The following VPS53 variants were observed in gnomAD, a reference collection of about 807,000 sequenced individuals.
VPS53 encodes the protein vacuolar protein sorting-associated protein 53 homolog.
Under a neutral mutation model 107.0 loss-of-function variants are expected in VPS53, and 70 were observed. The observed-to-expected ratio is 0.65, with a 90% CI of 0.54 to 0.80. The LOEUF (loss-of-function observed/expected upper bound fraction) is 0.80. Among genes scored for constraint, VPS53 ranks in the 30% least tolerant of loss-of-function variants. VPS53 has a pLI of 0.00. For missense variants in VPS53, 917 were observed against 1,049.4 expected (o/e 0.87, Z 1.74); for synonymous variants, 409 against 393.3 (o/e 1.04, Z -0.47).
At chr17:704,848 C>A (rs1335383281) in intron 2 of VPS53, among the ~76,000 whole-genome samples, 3 of 152,192 alleles carry the variant, frequency 2.0e-5, no homozygotes, top group African/African-American at 4.8e-5. Context: ...TCTAACACTT[C>A]TTTTTGTTTT....
rs913087553 is a variant in VPS53, at chr17:606,499, G to A, written c.1117-4603C>T. Among the ~76,000 whole-genome samples, 6 of 151,860 alleles carry A rather than the reference G, an allele frequency of 4.0e-5. No homozygotes were observed. In the East Asian group the frequency reaches 5.8e-4, roughly 15 times the overall value. On this transcript the variant is annotated intron_variant, in intron 11 of 21. Coordinates refer to ENST00000437048, the MANE Select transcript of VPS53 (RefSeq NM_001128159.3). ...TGCTGCCATGAGGATGGGATGATGC[G>A]TGCGTGTCAGGCGTGAGCTACACAG...
chr17:540,789 A>G (rs1040403075), intron 17 of VPS53, among the ~76,000 whole-genome samples: 3 of 152,092 alleles, frequency 2.0e-5, no homozygotes, highest in African/African-American at 7.2e-5. Context: ...TAGTTTAACC[A>G]CCACAAGAAG....
In VPS53 at chr17:551,896, A is replaced by C. The variant is rs1421883186; in HGVS notation, c.1842T>G (p.Asp614Glu). 1.2e-6 allele frequency: 2 copies of C among 1,605,414 alleles called. No homozygotes were observed. The highest frequency in any genetic ancestry group is 1.7e-4 in the Middle Eastern group (1 of 6,046). Residue 614 changes from aspartate to glutamate, a missense_variant, in exon 17 of 22, where the codon GAT (aspartate) becomes GAG (glutamate). Asp to Glu is a conservative substitution (Grantham distance 45). Coordinates refer to ENST00000437048, the MANE Select transcript of VPS53 (RefSeq NM_001128159.3). The part of the protein sequence containing the change: ...LLVQDLDAAC[D>E]PALTAMSKMQ... Reference sequence around the variant, plus strand: ...CCTTGCTCATGGCAGTCAGGGCAGGATCACAGGCAGCATCCAGATCCTGAA... The same window carrying C: ...CCTTGCTCATGGCAGTCAGGGCAGGCTCACAGGCAGCATCCAGATCCTGAA...
chr17:637,300 TTC>T (rs1283698873), intron 7 of VPS53, among the ~76,000 whole-genome samples: 3 of 152,214 alleles, frequency 2.0e-5, no homozygotes, highest in African/African-American at 4.8e-5. Flanking sequence ...TATTTGATTC[TTC>T]TCTCTTTTCT....
intron 8 of VPS53, among the ~76,000 whole-genome samples, chr17:629,766 A>G (rs887755526): frequency 2.7e-5 from 4 of 150,484 alleles, no homozygotes; most frequent in African/African-American, 4.9e-5. Context: ...CCATCTCAAA[A>G]AAAAGAAAAG....
chr17:625,670 C>T (rs1308797043), intron 10 of VPS53, among the ~76,000 whole-genome samples: 1 of 152,190 alleles, frequency 6.6e-6, no homozygotes, highest in African/African-American at 2.4e-5. Context: ...CCTGGGAACT[C>T]TCTGTGTCTT....
chr17:641,383 T>G (rs993723411), intron 7 of VPS53, among the ~76,000 whole-genome samples: 2 of 152,218 alleles, frequency 1.3e-5, no homozygotes, highest in African/African-American at 4.8e-5. Flanking sequence ...AACTCCTTCC[T>G]CTTCTAACCA....
chr17:657,241 G>A, intron 5 of VPS53: 2 of 1,120,912 alleles, frequency 1.8e-6, no homozygotes, highest in East Asian at 2.3e-5. Context: ...CTCCTCAGGT[G>A]TACAGCAAAG....
chr17:520,534 A>C lies in VPS53; in HGVS notation c.2224-604T>G, dbSNP rs925209105. Among the ~76,000 whole-genome samples, 4 of 152,212 alleles carry C rather than the reference A, an allele frequency of 2.6e-5. No homozygotes were observed. The highest frequency in any genetic ancestry group is 9.6e-5 in the African/African-American group (4 of 41,460). ...AACGACTAACTTAAACTATCAATTA[A>C]CATACAAACAAAGGAAAGGAACGGC... On this transcript the variant is annotated intron_variant, in intron 20 of 21. Coordinates refer to ENST00000437048, the MANE Select transcript of VPS53 (RefSeq NM_001128159.3). This position sits in a 1 kb window ranked among gnomAD's most constrained non-coding sequence, Gnocchi z 4.4.
intron 6 of VPS53, among the ~76,000 whole-genome samples, chr17:655,139 G>C (rs1037450396): frequency 1.3e-5 from 2 of 152,206 alleles, no homozygotes; most frequent in Admixed American, 6.5e-5. Context: ...ACTGAGGCTG[G>C]AGCAGGGGGA....
intron 19 of VPS53, chr17:523,431 T>C (rs1453717279): frequency 6.6e-6 from 1 of 152,202 alleles, no homozygotes; most frequent in Non-Finnish European, 1.5e-5. Flanking sequence ...TCCTATCAGG[T>C]AGGTGAGAAA....
chr17:570,372 C>CAAA (rs57449097), intron 13 of VPS53, among the ~76,000 whole-genome samples: 7 of 90,424 alleles, frequency 7.7e-5, no homozygotes, highest in Non-Finnish European at 1.0e-4. Flanking sequence ...GACTCTGTCT[C>CAAA]AAAAAAAAAA....
At chr17:531,491 A>G (rs71355269) in intron 19 of VPS53, among the ~76,000 whole-genome samples, 6,459 of 152,132 alleles carry the variant, frequency 0.042, 201 homozygotes, top group Non-Finnish European at 0.065. Flanking sequence ...GCTTACTATA[A>G]TCATTAAAAG....
At chr17:710,474 A>G (rs376130131) in intron 2 of VPS53, 59 bp downstream of exon 2, 99 of 1,356,490 alleles carry the variant, frequency 7.3e-5, no homozygotes, top group East Asian at 9.2e-5. Flanking sequence ...CACACGAAGC[A>G]TAACACCCAA....
intron 2 of VPS53, among the ~76,000 whole-genome samples, chr17:709,177 C>T (rs1452150331): frequency 1.3e-5 from 2 of 151,860 alleles, no homozygotes; most frequent in African/African-American, 2.4e-5. Context: ...CCTGGTATCA[C>T]GGCGCATCAC....
At chr17:557,571 T>C (rs1341258902) in intron 15 of VPS53, among the ~76,000 whole-genome samples, 1 of 152,208 alleles carries the variant, frequency 6.6e-6, no homozygotes, top group Non-Finnish European at 1.5e-5. Flanking sequence ...ATTCATCTTG[T>C]AGATTTCCTG....
chr17:669,592 T>TAAAAA (rs200157618), intron 4 of VPS53, among the ~76,000 whole-genome samples: 24,718 of 109,990 alleles, frequency 0.22, 3,675 homozygotes, highest in Non-Finnish European at 0.31. Flanking sequence ...TACTCTGTCT[T>TAAAAA]AAAAAAAAAA....
Position 520,058 on chromosome 17 carries a change from C to T in VPS53, c.2224-128G>A. On this transcript the variant is annotated intron_variant, in intron 20 of 21. Transcript: ENST00000437048. The surrounding 1 kb of genome is among the most constrained non-coding windows in gnomAD (Gnocchi z 4.4). ...GACGGGAGCGGGCCCTTCAGGAAAA[C>T]TCACTCCTCACTTGCCCGCCGAGCG... The T allele has an allele frequency of 1.6e-6, 1 of 644,198 alleles. No individual in the cohort carries two copies. The highest frequency in any genetic ancestry group is 2.7e-6 in the Non-Finnish European group (1 of 364,624). 39.9% of individuals were successfully genotyped at this position (644,198 alleles called of 1,614,324 possible).
chr17:694,993 T>C (rs1282747692), intron 4 of VPS53, among the ~76,000 whole-genome samples: 1 of 152,136 alleles, frequency 6.6e-6, no homozygotes, highest in African/African-American at 2.4e-5. Flanking sequence ...GCATGAGCCA[T>C]TGTGCCTGGC....
Sources: allele counts gnomAD v4.1 joint callset (sites outside exome capture counted in the v4.1 genomes callset), GRCh38; gene constraint gnomAD v4.1.1; non-coding constraint Gnocchi (gnomAD v3.1); transcripts MANE v1.5; gene names NCBI Gene and HGNC (gene_info 2026-07-23, HGNC 2026-07-21).